RHOU: variants seen among roughly 807,000 people sequenced by gnomAD.
RHOU encodes rho-related GTP-binding protein RhoU.
A neutral mutation model predicts 12.6 loss-of-function variants in RHOU; 8 were observed. The ratio of observed to expected loss-of-function variants is 0.64; its 90% CI spans 0.37 to 1.15. The LOEUF is 1.15. RHOU is among the 50% of genes most tolerant of loss of function. The pLI is 0.01. For synonymous variants in RHOU, 161 were observed against 147.4 expected (o/e 1.09, Z -0.67); for missense variants, 258 against 347.0 (o/e 0.74, Z 2.04).
chr1:228,693,307 A>G, the RHOU span, among the ~76,000 whole-genome samples: 3 of 152,222 alleles, frequency 2.0e-5, no homozygotes, highest in Non-Finnish European at 4.4e-5. Flanking sequence ...GTGCCCTCAC[A>G]ATAGGTTTCC....
chr1:228,685,706 A>G, the RHOU span, among the ~76,000 whole-genome samples: 3 of 152,220 alleles, frequency 2.0e-5, no homozygotes, highest in African/African-American at 7.2e-5. Flanking sequence ...AAAATTATAT[A>G]TAGGTTAAAT....
chr1:228,667,143 T>C, the RHOU span, among the ~76,000 whole-genome samples: 1 of 152,192 alleles, frequency 6.6e-6, no homozygotes, highest in South Asian at 2.1e-4. Flanking sequence ...GAGATATGTT[T>C]TAACACCTAA....
the RHOU span, among the ~76,000 whole-genome samples, chr1:228,647,012 T>A: frequency 6.2e-5 from 9 of 144,544 alleles, no homozygotes; most frequent in African/African-American, 2.3e-4. Context: ...TAACGCGAGG[T>A]CCAGGGGGAA....
chr1:228,702,611 T>G, the RHOU span, among the ~76,000 whole-genome samples: 1 of 152,088 alleles, frequency 6.6e-6, no homozygotes, highest in Admixed American at 6.6e-5. Flanking sequence ...ATCAAAAACA[T>G]AACAGAAGCA....
the RHOU span, among the ~76,000 whole-genome samples, chr1:228,692,587 C>T: frequency 9.3e-4 from 142 of 152,000 alleles, 1 homozygote; most frequent in African/African-American, 3.2e-3. Context: ...TCTTTTCTGG[C>T]GATTCTAAAA....
In RHOU at chr1:228,743,915, T is replaced by G; in HGVS notation, c.*175T>G. 1.7e-6 allele frequency: 1 copy of G among 596,676 alleles called. No homozygotes were observed. Among genetic ancestry groups the G allele is most frequent in the East Asian group, 2.9e-5 (1 of 34,532 alleles). The allele number at this position is 596,676 out of a possible 1,614,324, so 37.0% of individuals were successfully genotyped here. On this transcript the variant is annotated 3_prime_UTR_variant, in exon 3 of 3. Coordinates refer to ENST00000366691, the MANE Select transcript of RHOU (RefSeq NM_021205.6). The surrounding 1 kb of genome is among the most constrained non-coding windows in gnomAD (Gnocchi z 5.1). ...TCTGCCTTTAATTTTCTTGTTTGTTTGAGCTTAGGGATGAGATACTTATGC... is the reference window on the plus strand; with the variant it reads ...TCTGCCTTTAATTTTCTTGTTTGTTGGAGCTTAGGGATGAGATACTTATGC...
chr1:228,737,185 A>G lies in RHOU; in HGVS notation c.263-488A>G, dbSNP rs531998124. Among the ~76,000 whole-genome samples the G allele has an allele frequency of 2.0e-5, 3 of 152,274 alleles. No homozygotes were observed. The East Asian group carries it at 5.8e-4, about 29-fold the overall frequency. Reference sequence around the variant, plus strand: ...GGAGTGCCCTCATTTCTTAAACAGGACAATGCGGGCAGCCTGTGTTTGCAC... The same window carrying G: ...GGAGTGCCCTCATTTCTTAAACAGGGCAATGCGGGCAGCCTGTGTTTGCAC... On this transcript the variant is annotated intron_variant, in intron 1 of 2. Coordinates refer to ENST00000366691, the MANE Select transcript of RHOU (RefSeq NM_021205.6). This position sits in a 1 kb window ranked among gnomAD's most constrained non-coding sequence, Gnocchi z 4.1.
At chr1:228,721,024 G>A in the RHOU span, among the ~76,000 whole-genome samples, 1 of 152,146 alleles carries the variant, frequency 6.6e-6, no homozygotes, top group Non-Finnish European at 1.5e-5. Context: ...ATCGCCTTGG[G>A]GGCACGGTGG....
the RHOU span, among the ~76,000 whole-genome samples, chr1:228,699,424 G>A: frequency 2.2e-5 from 3 of 137,500 alleles, no homozygotes; most frequent in Non-Finnish European, 4.6e-5. Context: ...TTCCAGCCTG[G>A]GTGACCGAGA....
At chr1:228,698,773 T>A in the RHOU span, among the ~76,000 whole-genome samples, 1 of 152,202 alleles carries the variant, frequency 6.6e-6, no homozygotes, top group Non-Finnish European at 1.5e-5. Flanking sequence ...TTAAATTTTT[T>A]CCCCCACATC....
chr1:228,665,795 C>G, the RHOU span, among the ~76,000 whole-genome samples: 1 of 152,282 alleles, frequency 6.6e-6, no homozygotes, highest in South Asian at 2.1e-4. Context: ...GAGGACAGAT[C>G]ATTTTGACTC....
the RHOU span, among the ~76,000 whole-genome samples, chr1:228,655,101 C>A: frequency 6.6e-6 from 1 of 151,194 alleles, no homozygotes; most frequent in Non-Finnish European, 1.5e-5. Flanking sequence ...TTACTATTAA[C>A]CTTGCTTTTT....
the RHOU span, among the ~76,000 whole-genome samples, chr1:228,726,211 G>A: frequency 6.6e-6 from 1 of 152,086 alleles, no homozygotes; most frequent in African/African-American, 2.4e-5. Context: ...TGTGTACTGT[G>A]TACCTCAGAC....
the RHOU span, among the ~76,000 whole-genome samples, chr1:228,654,941 G>C: frequency 1.3e-5 from 2 of 152,118 alleles, no homozygotes; most frequent in Non-Finnish European, 2.9e-5. Context: ...TTCTGGAGAA[G>C]TTGAGACCCA....
chr1:228,720,689 T>G, the RHOU span, among the ~76,000 whole-genome samples: 2 of 152,190 alleles, frequency 1.3e-5, no homozygotes, highest in Non-Finnish European at 2.9e-5. Context: ...GAAAATAAAT[T>G]TCTGTGGTTT....
In RHOU at chr1:228,738,184, C is replaced by T. The variant is rs1213044488; in HGVS notation, c.321+453C>T. On this transcript the variant is annotated intron_variant, in intron 2 of 2. Coordinates refer to ENST00000366691, the MANE Select transcript of RHOU (RefSeq NM_021205.6). This position sits in a 1 kb window ranked among gnomAD's most constrained non-coding sequence, Gnocchi z 4.2. ...TTTACATCAGTAAGGGTTAATATTT[C>T]CCTTCCTGAGCTATGGTTTGACTCG... is the stretch of plus-strand genomic sequence containing the variant. 2.0e-5 allele frequency among the ~76,000 whole-genome samples: 3 copies of T among 152,324 alleles called. No individual in the cohort carries two copies. In the East Asian group the frequency reaches 5.8e-4, roughly 29 times the overall value.
At chr1:228,713,191 C>A in the RHOU span, among the ~76,000 whole-genome samples, 1 of 152,046 alleles carries the variant, frequency 6.6e-6, no homozygotes, top group Non-Finnish European at 1.5e-5. Flanking sequence ...GGCTGGTCAC[C>A]AAAAAGACCA....
the RHOU span, among the ~76,000 whole-genome samples, chr1:228,729,061 A>C: frequency 6.6e-6 from 1 of 152,030 alleles, no homozygotes; most frequent in East Asian, 1.9e-4. Context: ...ACGCTGGGCT[A>C]ATTTTTATAT....
At chr1:228,650,632 T>C in the RHOU span, 7 of 451,766 alleles carry the variant, frequency 1.5e-5, no homozygotes, top group East Asian at 6.0e-5. Context: ...TGAGACCTTC[T>C]TCCAGGGTTG....
Sources: gnomAD v4.1 joint callset for allele counts (sites outside exome capture counted in the v4.1 genomes callset) on GRCh38, gnomAD v4.1.1 for gene constraint, Gnocchi (gnomAD v3.1) non-coding constraint, MANE v1.5 for transcripts, NCBI Gene and HGNC (gene_info 2026-07-23, HGNC 2026-07-21) for gene names.